ACOT7: variants seen among roughly 807,000 people sequenced by gnomAD.
The protein encoded by ACOT7 is acyl-CoA thioesterase 7.
ACOT7 carries 12 observed loss-of-function variants against 40.2 expected under a neutral mutation model. The ratio of observed to expected loss-of-function variants is 0.30; its 90% confidence interval spans 0.19 to 0.48. The LOEUF (loss-of-function observed/expected upper bound fraction) is 0.48. Ranked by LOEUF, ACOT7 falls within the 20% of genes least tolerant of loss-of-function variation. The pLI, the probability that ACOT7 is intolerant of heterozygous loss-of-function variation, is 0.99. For synonymous variants in ACOT7, 228 were observed against 219.5 expected (o/e 1.04, Z -0.34); for missense variants, 395 against 530.8 (o/e 0.74, Z 2.51).
At chr1:6,266,599 C>T (rs541536798) in intron 8 of ACOT7, among the ~76,000 whole-genome samples, 2 of 152,388 alleles carry the variant, frequency 1.3e-5, no homozygotes, top group Admixed American at 6.5e-5. Flanking sequence ...TGCCGCTGCC[C>T]CAAATGGGGC....
chr1:6,347,404 T>C (rs1329042675), intron 2 of ACOT7, among the ~76,000 whole-genome samples: 2 of 152,170 alleles, frequency 1.3e-5, no homozygotes, highest in Non-Finnish European at 2.9e-5. Context: ...CCTCCCCAGG[T>C]GGCCTCAAGC....
chr1:6,379,639 A>T (rs189441434), intron 1 of ACOT7, among the ~76,000 whole-genome samples: 14 of 151,466 alleles, frequency 9.2e-5, no homozygotes, highest in Non-Finnish European at 2.1e-4. Context: ...AACTTTTTTA[A>T]TTTGTAGAGA....
At chr1:6,334,292 G>A (rs912478692) in intron 3 of ACOT7, among the ~76,000 whole-genome samples, 2 of 152,244 alleles carry the variant, frequency 1.3e-5, no homozygotes, top group Admixed American at 6.5e-5. Flanking sequence ...GCTCAGACAC[G>A]CAACGTCTTC....
rs1486133894 is a variant in ACOT7, at chr1:6,375,924, C to A, written c.143+17333G>T. 3.6e-5 allele frequency among the ~76,000 whole-genome samples: 5 copies of A among 140,654 alleles called. No homozygotes were observed. In the Admixed American group the frequency reaches 3.7e-4, roughly 10 times the overall value. 92.3% of individuals were successfully genotyped at this position (140,654 alleles called of 152,430 possible). A position where few individuals can be genotyped will look rare whatever the true frequency, so the allele number is the denominator to read the frequency against. On this transcript the variant is annotated intron_variant, in intron 1 of 8. Transcript: ENST00000361521. ...CTGCACTCCAGCATGGGCAACAGAG[C>A]GAGACTCCACCTCAAAAAAAAAAAA...
At chr1:6,328,220 C>T (rs890732842) in intron 4 of ACOT7, among the ~76,000 whole-genome samples, 5 of 152,232 alleles carry the variant, frequency 3.3e-5, no homozygotes. Flanking sequence ...GAGCAGGAAC[C>T]CTGTGTGTCC....
chr1:6,329,930 C>G lies in ACOT7; in HGVS notation c.511-2517G>C, dbSNP rs545807707. On this transcript the variant is annotated intron_variant, in intron 4 of 8. Coordinates refer to ENST00000361521, the MANE Select transcript of ACOT7 (RefSeq NM_007274.4). ...CAGGCCCACCGAGGTTCCCTGCTCACTGGGAAAGCTGCAGGCAGGCTGGGG... is the reference window on the plus strand; with the variant it reads ...CAGGCCCACCGAGGTTCCCTGCTCAGTGGGAAAGCTGCAGGCAGGCTGGGG... 3.0e-4 allele frequency among the ~76,000 whole-genome samples: 45 copies of G among 152,264 alleles called. No homozygotes were observed. In the South Asian group the frequency reaches 9.1e-3, roughly 31 times the overall value.
chr1:6,296,749 T>G (rs907630450), intron 6 of ACOT7, among the ~76,000 whole-genome samples: 1 of 151,960 alleles, frequency 6.6e-6, no homozygotes, highest in African/African-American at 2.4e-5. Flanking sequence ...TTTTTTATTT[T>G]CTTGCAGAGA....
intron 7 of ACOT7, among the ~76,000 whole-genome samples, chr1:6,283,824 G>A (rs6577568): frequency 0.36 from 54,867 of 152,106 alleles, 14,538 homozygotes; most frequent in African/African-American, 0.76. Flanking sequence ...AGGACAAAGT[G>A]AAATACTTTA....
intron 8 of ACOT7, among the ~76,000 whole-genome samples, chr1:6,266,887 G>A (rs1017404284): frequency 6.6e-6 from 1 of 152,258 alleles, no homozygotes; most frequent in African/African-American, 2.4e-5. Flanking sequence ...GGTGGGGTTG[G>A]TACTGGGTTC....
At chr1:6,350,885 T>A (rs186608468) in intron 1 of ACOT7, among the ~76,000 whole-genome samples, 29 of 152,290 alleles carry the variant, frequency 1.9e-4, no homozygotes, top group Non-Finnish European at 3.8e-4. Context: ...GGGCAAGCTG[T>A]CAGAACCCTC....
intron 3 of ACOT7, among the ~76,000 whole-genome samples, chr1:6,335,972 A>G (rs529511374): frequency 3.3e-5 from 5 of 152,354 alleles, no homozygotes; most frequent in Admixed American, 2.0e-4. Flanking sequence ...AATGAACACC[A>G]TGGAGCAAAT....
At chr1:6,392,287 C>T (rs1202745520) in intron 1 of ACOT7, among the ~76,000 whole-genome samples, 1 of 152,238 alleles carries the variant, frequency 6.6e-6, no homozygotes, top group Non-Finnish European at 1.5e-5. Flanking sequence ...GCAGCTCTCA[C>T]TCCTGGTAGT....
intron 3 of ACOT7, among the ~76,000 whole-genome samples, chr1:6,337,908 G>A (rs1026478296): frequency 6.6e-6 from 1 of 151,334 alleles, no homozygotes; most frequent in Non-Finnish European, 1.5e-5. Flanking sequence ...CTGGGAGGCA[G>A]GAGAATAGCT....
intron 1 of ACOT7, among the ~76,000 whole-genome samples, chr1:6,366,574 G>T (rs1642015912): frequency 1.3e-5 from 2 of 150,572 alleles, no homozygotes; most frequent in South Asian, 4.2e-4. Flanking sequence ...GTGACAGAGT[G>T]GGAGCCTATC....
At chr1:6,312,616 C>T (rs949919108) in intron 6 of ACOT7, among the ~76,000 whole-genome samples, 3 of 152,092 alleles carry the variant, frequency 2.0e-5, no homozygotes, top group African/African-American at 7.2e-5. Context: ...TACAGGCACC[C>T]GCCATCATAC....
intron 8 of ACOT7, among the ~76,000 whole-genome samples, chr1:6,265,940 A>C (rs752789128): frequency 1.3e-5 from 2 of 152,202 alleles, no homozygotes; most frequent in Non-Finnish European, 2.9e-5. Flanking sequence ...AGTTATACCA[A>C]ATGCCTCCTC....
At chr1:6,295,166 G>C in intron 6 of ACOT7, 186 bp from the exon 7 acceptor site, 1 of 394,442 alleles carries the variant, frequency 2.5e-6, no homozygotes, top group Non-Finnish European at 4.7e-6. Context: ...GCTTCCTCAG[G>C]AGATTTTGAA....
At chr1:6,335,942 CGAG>C (rs1232561799) in intron 3 of ACOT7, among the ~76,000 whole-genome samples, 2 of 152,194 alleles carry the variant, frequency 1.3e-5, no homozygotes, top group Non-Finnish European at 1.5e-5. Context: ...CATGACAACT[CGAG>C]TGGCCCTCTG....
intron 1 of ACOT7, among the ~76,000 whole-genome samples, chr1:6,369,739 C>T (rs536751058): frequency 4.6e-5 from 7 of 151,974 alleles, no homozygotes; most frequent in East Asian, 3.9e-4. Flanking sequence ...CCACCACGCC[C>T]GGCTAATTTT....
Sources: gnomAD v4.1 joint callset for allele counts (sites outside exome capture counted in the v4.1 genomes callset) on GRCh38, gnomAD v4.1.1 for gene constraint, MANE v1.5 for transcripts, NCBI Gene and HGNC (gene_info 2026-07-23, HGNC 2026-07-21) for gene names.